TTLL5: variants seen among roughly 807,000 people sequenced by gnomAD.
The protein encoded by TTLL5 is tubulin polyglutamylase TTLL5.
A neutral mutation model predicts 168.4 loss-of-function variants in TTLL5; 132 were observed. That is an observed-to-expected ratio of 0.78 (90% CI 0.68 to 0.91). The LOEUF is 0.91. Among genes scored for constraint, TTLL5 ranks in the 40% least tolerant of loss-of-function variants. TTLL5 has a pLI of 0.00. For synonymous variants in TTLL5, 546 were observed against 558.6 expected (o/e 0.98, Z 0.32); for missense variants, 1,545 against 1,581.5 (o/e 0.98, Z 0.39).
intron 6 of TTLL5, among the ~76,000 whole-genome samples, chr14:75,693,450 T>C (rs1885601917): frequency 6.6e-6 from 1 of 152,214 alleles, no homozygotes; most frequent in East Asian, 1.9e-4. Context: ...AGATATAGCC[T>C]AGAGACTAAT....
intron 7 of TTLL5, among the ~76,000 whole-genome samples, chr14:75,706,573 G>C (rs1158282): frequency 0.5 from 75,871 of 152,050 alleles, 23,197 homozygotes; most frequent in Non-Finnish European, 0.67. Flanking sequence ...TTGTGGATCT[G>C]TAAGTTCTCC....
chr14:75,765,069 C>T (rs1890882129), intron 19 of TTLL5, among the ~76,000 whole-genome samples: 1 of 152,156 alleles, frequency 6.6e-6, no homozygotes, highest in Admixed American at 6.5e-5. Flanking sequence ...TTAATGGAAT[C>T]CTGAGCATTA....
chr14:75,759,146 A>G (rs1890471431), intron 18 of TTLL5, among the ~76,000 whole-genome samples: 1 of 152,168 alleles, frequency 6.6e-6, no homozygotes, highest in African/African-American at 2.4e-5. Flanking sequence ...CTAATTACCA[A>G]TATCATCAGA....
intron 24 of TTLL5, among the ~76,000 whole-genome samples, chr14:75,780,546 G>A (rs1351250497): frequency 6.6e-6 from 1 of 152,186 alleles, no homozygotes; most frequent in South Asian, 2.1e-4. Flanking sequence ...CTAGATGGAA[G>A]CCTAAGGCAT....
intron 15 of TTLL5, among the ~76,000 whole-genome samples, chr14:75,738,442 T>C (rs1566582475): frequency 6.6e-6 from 1 of 152,242 alleles, no homozygotes; most frequent in Non-Finnish European, 1.5e-5. Flanking sequence ...TCTTAGCTAC[T>C]GTTTCTGATA....
intron 15 of TTLL5, among the ~76,000 whole-genome samples, chr14:75,742,151 T>C (rs1889313903): frequency 6.6e-6 from 1 of 152,222 alleles, no homozygotes; most frequent in Non-Finnish European, 1.5e-5. Context: ...TTGATATAGC[T>C]TTTAGTTTAT....
intron 28 of TTLL5, among the ~76,000 whole-genome samples, chr14:75,839,494 G>T (rs1364338258): frequency 1.3e-5 from 2 of 152,184 alleles, no homozygotes; most frequent in Non-Finnish European, 2.9e-5. Flanking sequence ...AGTTTCACAT[G>T]GCTGGGGAGG....
intron 28 of TTLL5, among the ~76,000 whole-genome samples, chr14:75,825,380 G>A (rs376928789): frequency 1.3e-5 from 2 of 152,274 alleles, no homozygotes; most frequent in East Asian, 3.9e-4. Flanking sequence ...AGGCATCAGA[G>A]TGGGGCCAAC....
In TTLL5 at chr14:75,905,263, T is replaced by C. The variant is rs151244395; in HGVS notation, c.3823+3039T>C. On this transcript the variant is annotated intron_variant, in intron 31 of 31. Coordinates refer to ENST00000298832, the MANE Select transcript of TTLL5 (RefSeq NM_015072.5). ...TTAATTCAATCCGTTAAACATGATA[T>C]TGAGTCCAAGACTATAGCAGAAGTC... Among the ~76,000 whole-genome samples, 424 of 152,326 alleles carry C rather than the reference T, an allele frequency of 2.8e-3. 8 individuals carry two copies. The highest frequency in any genetic ancestry group is 0.024 in the Admixed American group (370 of 15,298).
At chr14:75,763,926 A>G (rs1274923902) in intron 18 of TTLL5, among the ~76,000 whole-genome samples, 18 of 152,006 alleles carry the variant, frequency 1.2e-4, no homozygotes, top group Non-Finnish European at 1.5e-4. Context: ...CCTGTACTTA[A>G]CGCCTGTAAA....
chr14:75,766,141 A>T lies in TTLL5; in HGVS notation c.1788A>T (p.Glu596Asp). 6.2e-7 allele frequency: 1 copy of T among 1,614,118 alleles called. No homozygotes were observed. The highest frequency in any genetic ancestry group is 8.5e-7 in the Non-Finnish European group (1 of 1,179,998). Residue 596 changes from glutamate (E) to aspartate (D), a missense_variant, in exon 20 of 32, where the codon GAA becomes GAT. By Grantham distance (45) the Glu-to-Asp change is conservative. Transcript: ENST00000298832. ...EEEEEVALDN[E>D]DEEQEASQEE... is the part of the protein sequence containing the mutation. The stretch of plus-strand genomic sequence containing the variant: ...AGGAAGAAGTCGCATTAGATAATGA[A>T]GATGAAGAACAGGAGGCTTCCCAGG...
chr14:75,778,813 T>C (rs1891877972), intron 23 of TTLL5, among the ~76,000 whole-genome samples: 2 of 152,250 alleles, frequency 1.3e-5, no homozygotes, highest in South Asian at 4.1e-4. Context: ...ATACTTTCTA[T>C]TTTGTGGCTG....
At chr14:75,760,936 G>A (rs1594986899) in intron 18 of TTLL5, among the ~76,000 whole-genome samples, 3 of 152,122 alleles carry the variant, frequency 2.0e-5, no homozygotes, top group African/African-American at 7.2e-5. Flanking sequence ...ATACTGTTAG[G>A]AAAATGATTT....
chr14:75,833,883 C>T (rs1895725860), intron 28 of TTLL5, among the ~76,000 whole-genome samples: 2 of 152,198 alleles, frequency 1.3e-5, no homozygotes, highest in Admixed American at 6.5e-5. Context: ...ATCTCTCTGA[C>T]TCCTCAAAGG....
chr14:75,837,160 C>T (rs1009983590), intron 28 of TTLL5: 2 of 152,390 alleles, frequency 1.3e-5, no homozygotes, highest in African/African-American at 4.8e-5. Flanking sequence ...TTACCTGGGG[C>T]TAGAGGATCC....
chr14:75,850,875 C>T (rs752124771), intron 28 of TTLL5, among the ~76,000 whole-genome samples: 90 of 151,660 alleles, frequency 5.9e-4, no homozygotes, highest in Non-Finnish European at 2.5e-4. Context: ...TGGGAGGCTG[C>T]GGTGAGTCCA....
intron 28 of TTLL5, among the ~76,000 whole-genome samples, chr14:75,859,123 A>G (rs1897284379): frequency 6.6e-6 from 1 of 152,224 alleles, no homozygotes; most frequent in African/African-American, 2.4e-5. Flanking sequence ...TACAAGTGTC[A>G]CAGTCCTCTG....
chr14:75,894,834 CA>C (rs1253490374), intron 30 of TTLL5, among the ~76,000 whole-genome samples: 1 of 151,960 alleles, frequency 6.6e-6, no homozygotes, highest in East Asian at 1.9e-4. Flanking sequence ...ATATTAATGC[CA>C]GATAAAATAT....
At position 75,910,223 on chromosome 14, in the gene TTLL5, C is replaced by T. The variant is rs1009562418; in HGVS notation, c.3823+7999C>T. On this transcript the variant is annotated intron_variant, in intron 31 of 31. Transcript: ENST00000298832. ...ATTACTACTTTGTTATAAAGAGACA[C>T]GGGAAGTACAGTGGCCCCTTTCTCA... 2.6e-5 allele frequency among the ~76,000 whole-genome samples: 4 copies of T among 152,274 alleles called. 1 individual carries two copies.
Sources: gnomAD v4.1 joint callset for allele counts (sites outside exome capture counted in the v4.1 genomes callset) on GRCh38, gnomAD v4.1.1 for gene constraint, MANE v1.5 for transcripts, NCBI Gene and HGNC (gene_info 2026-07-23, HGNC 2026-07-21) for gene names.